Variants in CD109 observed in about 807,000 individuals in gnomAD.
CD109 encodes the protein CD109 antigen.
Under a neutral mutation model 165.8 loss-of-function variants are expected in CD109, and 149 were observed. The observed-to-expected ratio is 0.90, with a 90% CI of 0.79 to 1.03. The LOEUF (loss-of-function observed/expected upper bound fraction) is 1.03. Ranked by LOEUF, CD109 falls within the 50% of genes least tolerant of loss-of-function variation. CD109 has a pLI of 0.00. For missense variants in CD109, 1,712 were observed against 1,677.8 expected (o/e 1.02, Z -0.36); for synonymous variants, 585 against 592.1 (o/e 0.99, Z 0.18).
chr6:73,728,698 C>T (rs1009759471), intron 3 of CD109, among the ~76,000 whole-genome samples: 3 of 152,144 alleles, frequency 2.0e-5, no homozygotes, highest in African/African-American at 4.8e-5. Flanking sequence ...ACATTGATAG[C>T]ATTCTGATGT....
intron 31 of CD109, 78 bp downstream of exon 31, chr6:73,818,613 G>T: frequency 7.4e-7 from 1 of 1,357,550 alleles, no homozygotes; most frequent in Non-Finnish European, 1.0e-6. Flanking sequence ...CTTTAAGTAT[G>T]TTTTCTTTAA....
intron 2 of CD109, among the ~76,000 whole-genome samples, chr6:73,720,683 A>G (rs1032273548): frequency 6.6e-6 from 1 of 152,210 alleles, no homozygotes; most frequent in African/African-American, 2.4e-5. Context: ...TTCAGAGTTA[A>G]TTTATGTGCA....
intron 2 of CD109, among the ~76,000 whole-genome samples, chr6:73,706,700 C>T (rs879342893): frequency 6.6e-6 from 1 of 152,034 alleles, no homozygotes; most frequent in African/African-American, 2.4e-5. Context: ...AGGTAGATGA[C>T]AGGTCTATAG....
chr6:73,728,185 G>A (rs1388133065), intron 3 of CD109, among the ~76,000 whole-genome samples: 1 of 152,128 alleles, frequency 6.6e-6, no homozygotes. Context: ...GCTAGGCATG[G>A]TGGCGCACAC....
chr6:73,736,077 T>C (rs1772530301), intron 4 of CD109, among the ~76,000 whole-genome samples: 1 of 152,198 alleles, frequency 6.6e-6, no homozygotes, highest in Non-Finnish European at 1.5e-5. Context: ...TTGATTTGTC[T>C]TCTTTAGAAA....
At chr6:73,751,479 T>C (rs1438806728) in intron 5 of CD109, among the ~76,000 whole-genome samples, 1 of 152,108 alleles carries the variant, frequency 6.6e-6, no homozygotes, top group Non-Finnish European at 1.5e-5. Flanking sequence ...TTGATCAGGA[T>C]AGAAAACAGT....
rs907573075 is a variant in CD109 at position 73,824,638 on chromosome 6, T to C, written c.*1005T>C. ...GCCAGGGATCCTGTGGAACCTCTTCTAGTTCAGGGGTGTGAGCATTAGACT... is the reference window on the plus strand; with the variant it reads ...GCCAGGGATCCTGTGGAACCTCTTCCAGTTCAGGGGTGTGAGCATTAGACT... On this transcript the variant is annotated 3_prime_UTR_variant, in exon 33 of 33. Coordinates refer to ENST00000287097, the MANE Select transcript of CD109 (RefSeq NM_133493.5). The C allele has an allele frequency of 1.4e-4, 21 of 152,196 alleles. No homozygotes were observed. Among genetic ancestry groups the C allele is most frequent in the African/African-American group, 5.1e-4 (21 of 41,450 alleles). 9.4% of individuals were successfully genotyped at this position (152,196 alleles called of 1,614,324 possible).
intron 5 of CD109, among the ~76,000 whole-genome samples, chr6:73,741,602 T>C (rs1772787467): frequency 6.6e-6 from 1 of 152,256 alleles, no homozygotes; most frequent in South Asian, 2.1e-4. Context: ...AGGTACCTTA[T>C]CTCTAGGTAT....
rs150862159 is a variant in CD109, at chr6:73,740,153, A to G, written c.633+3645A>G. ...CTTGGCCTCACAAAGTGCTGGGATT[A>G]CATGTGTGAGCCATCATACACAGCC... is the stretch of plus-strand genomic sequence containing the variant. On this transcript the variant is annotated intron_variant, in intron 5 of 32. Transcript: ENST00000287097. Among the ~76,000 whole-genome samples the G allele has an allele frequency of 3.2e-3, 492 of 152,342 alleles. 6 individuals carry two copies. The highest frequency in any genetic ancestry group is 0.011 in the African/African-American group (467 of 41,574).
intron 24 of CD109, 114 bp downstream of exon 24, chr6:73,803,415 TTTTTCC>T: frequency 1.5e-6 from 1 of 673,596 alleles, no homozygotes; most frequent in Non-Finnish European, 2.5e-6. Context: ...GGGAGGTTGC[TTTTTCC>T]TTAGTCTGGC....
At chr6:73,691,004 A>G (rs989675975), upstream of CD109, among the ~76,000 whole-genome samples, 1 of 151,882 alleles carries the variant, frequency 6.6e-6, no homozygotes, top group African/African-American at 2.4e-5. Flanking sequence ...CCCCTTCTCC[A>G]GGGGAATAGA....
chr6:73,697,027 T>C (rs1232807782), intron 1 of CD109, among the ~76,000 whole-genome samples: 2 of 152,218 alleles, frequency 1.3e-5, no homozygotes, highest in East Asian at 3.8e-4. Flanking sequence ...ATAATCACGC[T>C]GGGATAAGGT....
intron 5 of CD109, among the ~76,000 whole-genome samples, chr6:73,752,017 A>T (rs1773208461): frequency 6.6e-6 from 1 of 152,200 alleles, no homozygotes; most frequent in Non-Finnish European, 1.5e-5. Context: ...ACCTCCCGTT[A>T]TGTGCAGATT....
chr6:73,775,896 A>G (rs1342398665), intron 15 of CD109, among the ~76,000 whole-genome samples: 1 of 152,168 alleles, frequency 6.6e-6, no homozygotes, highest in East Asian at 1.9e-4. Context: ...CATGTACCAC[A>G]TTTTCTTTAT....
At chr6:73,821,181 A>G (rs138654667) in intron 32 of CD109, among the ~76,000 whole-genome samples, 1,967 of 152,262 alleles carry the variant, frequency 0.013, 36 homozygotes, top group African/African-American at 0.044. Context: ...GGAGGGAGGG[A>G]TAGCATTAGG....
At chr6:73,802,599 A>G (rs1775407743) in intron 23 of CD109, among the ~76,000 whole-genome samples, 1 of 152,056 alleles carries the variant, frequency 6.6e-6, no homozygotes, top group Non-Finnish European at 1.5e-5. Flanking sequence ...ACAGTTAAAT[A>G]AAAGTCTGCC....
intron 5 of CD109, among the ~76,000 whole-genome samples, chr6:73,741,406 A>G (rs1772780649): frequency 6.6e-6 from 1 of 152,186 alleles, no homozygotes; most frequent in Non-Finnish European, 1.5e-5. Flanking sequence ...GCAGAGGTAT[A>G]TTTTAGCTGT....
chr6:73,723,421 ATTAT>A, intron 3 of CD109, 142 bp downstream of exon 3: 2 of 677,820 alleles, frequency 3.0e-6, no homozygotes, highest in South Asian at 3.7e-5. Context: ...CAGCCTTCAG[ATTAT>A]TTATGAATAA....
chr6:73,791,841 C>CT (rs1287178950), intron 22 of CD109, among the ~76,000 whole-genome samples: 2 of 151,720 alleles, frequency 1.3e-5, no homozygotes, highest in South Asian at 2.1e-4. Flanking sequence ...GTTCTTTTCC[C>CT]TTTTTTTTCA....
Sources: gnomAD v4.1 joint callset for allele counts (sites outside exome capture counted in the v4.1 genomes callset) on GRCh38, gnomAD v4.1.1 for gene constraint, MANE v1.5 for transcripts, NCBI Gene and HGNC (gene_info 2026-07-23, HGNC 2026-07-21) for gene names.